Variants in ROBO1 observed in about 807,000 individuals in gnomAD.
The protein encoded by ROBO1 is roundabout guidance receptor 1, also known as roundabout homolog 1.
Under a neutral mutation model 195.9 loss-of-function variants are expected in ROBO1, and 149 were observed. The ratio of observed to expected loss-of-function variants is 0.76; its 90% CI spans 0.67 to 0.87. The LOEUF (loss-of-function observed/expected upper bound fraction) is 0.87, where lower values mean the gene tolerates loss of function less well. ROBO1 is among the 40% of genes least tolerant of loss of function. ROBO1 has a pLI of 0.00. For missense variants in ROBO1, 1,933 were observed against 2,068.3 expected (o/e 0.93, Z 1.27); for synonymous variants, 816 against 733.2 (o/e 1.11, Z -1.82).
intron 26 of ROBO1, among the ~76,000 whole-genome samples, chr3:78,619,326 A>G (rs1575786057): frequency 6.6e-6 from 1 of 151,898 alleles, no homozygotes; most frequent in African/African-American, 2.4e-5. Flanking sequence ...AGGCTAGGAG[A>G]GATACAGCAT....
chr3:79,344,139 G>T (rs2035017477), intron 2 of ROBO1, among the ~76,000 whole-genome samples: 1 of 152,006 alleles, frequency 6.6e-6, no homozygotes, highest in South Asian at 2.1e-4. Flanking sequence ...ATATAATTCG[G>T]GTGTAAAATA....
At chr3:79,313,080 G>A (rs574226892) in intron 2 of ROBO1, among the ~76,000 whole-genome samples, 18 of 151,716 alleles carry the variant, frequency 1.2e-4, no homozygotes, top group African/African-American at 3.9e-4. Context: ...CCAGCTACTC[G>A]GGAGGCTGAG....
At chr3:79,210,129 T>C (rs2081943890) in intron 2 of ROBO1, among the ~76,000 whole-genome samples, 2 of 152,040 alleles carry the variant, frequency 1.3e-5, no homozygotes, top group Admixed American at 1.3e-4. Context: ...GCAATTCCCA[T>C]CAAAATACCA....
intron 2 of ROBO1, among the ~76,000 whole-genome samples, chr3:79,328,143 A>C (rs1003989784): frequency 6.6e-6 from 1 of 152,206 alleles, no homozygotes; most frequent in Non-Finnish European, 1.5e-5. Flanking sequence ...CTTTTTTAAT[A>C]ATATGAAAGT....
chr3:79,306,530 T>G (rs2033227892), intron 2 of ROBO1, among the ~76,000 whole-genome samples: 1 of 152,258 alleles, frequency 6.6e-6, no homozygotes, highest in Admixed American at 6.5e-5. Context: ...CTGTTTTCCA[T>G]TCGCATGCCC....
At chr3:79,206,298 T>C (rs2081865252) in intron 2 of ROBO1, among the ~76,000 whole-genome samples, 1 of 152,186 alleles carries the variant, frequency 6.6e-6, no homozygotes, top group Non-Finnish European at 1.5e-5. Flanking sequence ...TAAGGCTCTA[T>C]TTGGCATATC....
At chr3:79,446,710 A>G (rs2039271010) in intron 2 of ROBO1, among the ~76,000 whole-genome samples, 1 of 152,214 alleles carries the variant, frequency 6.6e-6, no homozygotes, top group South Asian at 2.1e-4. Context: ...TTGGGGCCAT[A>G]TCAGTATTTT....
intron 1 of ROBO1, among the ~76,000 whole-genome samples, chr3:79,714,954 T>C (rs1475099108): frequency 1.3e-5 from 2 of 151,660 alleles, no homozygotes; most frequent in Non-Finnish European, 2.9e-5. Flanking sequence ...CATATGTAAC[T>C]AACCTGCACA....
rs778328883 is a variant in ROBO1, at chr3:79,585,004, T to C, written c.88+4820A>G. ...TTTATCTTATATTATGATTTTCTTC[T>C]ATGAGATTTATATAATGTGTAAAGG... On this transcript the variant is annotated intron_variant, in intron 2 of 30. Coordinates refer to ENST00000464233, the MANE Select transcript of ROBO1 (RefSeq NM_002941.4). 3.9e-5 allele frequency among the ~76,000 whole-genome samples: 6 copies of C among 151,906 alleles called. No individual in the cohort carries two copies. In the Admixed American group the frequency reaches 4.0e-4, roughly 10 times the overall value.
chr3:78,896,621 G>A (rs867477374), intron 4 of ROBO1, among the ~76,000 whole-genome samples: 32 of 120,096 alleles, frequency 2.7e-4, no homozygotes, highest in Admixed American at 9.0e-4. Context: ...GACTCAGCCC[G>A]CCTGCACCCA....
chr3:78,673,565 TATATATATATATATA>T (rs1708205807), intron 10 of ROBO1, among the ~76,000 whole-genome samples: 20 of 20,110 alleles, frequency 9.9e-4, no homozygotes, highest in African/African-American at 3.9e-3. Flanking sequence ...ATATATTTTA[TATATATATATATATA>T]TATATATATA....
At chr3:79,028,763 T>C (rs1220333419) in intron 3 of ROBO1, among the ~76,000 whole-genome samples, 1 of 151,982 alleles carries the variant, frequency 6.6e-6, no homozygotes, top group Non-Finnish European at 1.5e-5. Context: ...CACCTAAATT[T>C]CCCCTTTGTA....
chr3:79,614,170 C>T (rs1340257831), intron 1 of ROBO1, among the ~76,000 whole-genome samples: 1 of 152,002 alleles, frequency 6.6e-6, no homozygotes, highest in Non-Finnish European at 1.5e-5. Context: ...ATTTATAGAA[C>T]ACTCTAGCAA....
chr3:79,322,441 A>G (rs1234144806), intron 2 of ROBO1, among the ~76,000 whole-genome samples: 1 of 152,332 alleles, frequency 6.6e-6, no homozygotes, highest in Non-Finnish European at 1.5e-5. Context: ...ATCAAGAATG[A>G]AAAGATCTTG....
chr3:78,691,867 G>A (rs1158157383), intron 8 of ROBO1, among the ~76,000 whole-genome samples: 1 of 151,986 alleles, frequency 6.6e-6, no homozygotes, highest in Admixed American at 6.6e-5. Flanking sequence ...AATTTGTTGT[G>A]GATATTGTGC....
At chr3:79,511,003 G>T (rs368860122) in intron 2 of ROBO1, among the ~76,000 whole-genome samples, 38 of 152,178 alleles carry the variant, frequency 2.5e-4, no homozygotes, top group African/African-American at 9.1e-4. Context: ...TAACAAATCT[G>T]CACATTTTTT....
Position 78,617,924 on chromosome 3 carries a change from T to TTCTTCC in ROBO1, c.3987_3992dup (p.Glu1330_Glu1331dup), listed in dbSNP as rs765792577. ...TGGCTACCTCCATGTCGGCTTCGTC[T>TTCTTCC]TCTTCCTCTTCTGGCGCATCCGTAT... On this transcript the variant is annotated inframe_insertion, in exon 27 of 31. Transcript: ENST00000464233. 1.9e-6 allele frequency: 3 copies of TTCTTCC among 1,614,020 alleles called. No homozygotes were observed. The South Asian group carries it at 3.3e-5, about 18-fold the overall frequency.
At chr3:78,741,133 ATTTGT>A (rs2082523952) in intron 5 of ROBO1, among the ~76,000 whole-genome samples, 11 of 152,110 alleles carry the variant, frequency 7.2e-5, no homozygotes, top group Admixed American at 7.2e-4. Flanking sequence ...TCATAAGCAC[ATTTGT>A]TTTTATGCTT....
chr3:79,223,044 G>T (rs11920171), intron 2 of ROBO1, among the ~76,000 whole-genome samples: 20,388 of 152,002 alleles, frequency 0.13, 2,102 homozygotes, highest in African/African-American at 0.29. Flanking sequence ...TGAGTTCTCC[G>T]GTAGGTACTA....
Sources: allele counts gnomAD v4.1 joint callset (sites outside exome capture counted in the v4.1 genomes callset), GRCh38; gene constraint gnomAD v4.1.1; transcripts MANE v1.5; gene names NCBI Gene and HGNC (gene_info 2026-07-23, HGNC 2026-07-21).